Variants in RGS7 observed in about 807,000 individuals in gnomAD.
RGS7 encodes the protein regulator of G-protein signaling 7.
In RGS7, 27 loss-of-function variants were observed where a neutral mutation model predicts 81.1. The ratio of observed to expected loss-of-function variants is 0.33; its 90% CI spans 0.25 to 0.46. RGS7 has a LOEUF of 0.46. Among genes scored for constraint, RGS7 ranks in the 20% least tolerant of loss-of-function variants. The probability of loss-of-function intolerance (pLI) is 1.00; values close to 1 mark genes in which losing one functional copy is unlikely to be tolerated. For synonymous variants in RGS7, 208 were observed against 207.7 expected, an observed-to-expected ratio of 1.00 and a Z score of -0.01; for missense variants, 396 against 607.4, an observed-to-expected ratio of 0.65 and a Z score of 3.66.
chr1:241,184,399 G>A (rs940755299), intron 2 of RGS7, among the ~76,000 whole-genome samples: 3 of 152,100 alleles, frequency 2.0e-5, no homozygotes, highest in African/African-American at 7.2e-5. Flanking sequence ...CAAACAATGT[G>A]GAAACAGATG....
At chr1:241,227,822 G>T (rs886458123) in intron 2 of RGS7, among the ~76,000 whole-genome samples, 1 of 152,114 alleles carries the variant, frequency 6.6e-6, no homozygotes, top group Non-Finnish European at 1.5e-5. Context: ...TTTGGCTGGG[G>T]ACTCCTTATC....
rs116319668 is a variant in RGS7, at chr1:241,220,923, A to T, written c.79-122161T>A. On this transcript the variant is annotated intron_variant, in intron 2 of 18. Coordinates refer to ENST00000440928, the MANE Select transcript of RGS7 (RefSeq NM_001364886.1). ...GATGAAAGGAAGAAAGGAAAGGAAG[A>T]AAGGAAGAAAGGAAGGAAGGAAGAA... Among the ~76,000 whole-genome samples the T allele has an allele frequency of 3.9e-3, 581 of 147,860 alleles. 4 individuals carry two copies. Among genetic ancestry groups the T allele is most frequent in the African/African-American group, 0.014 (546 of 40,404 alleles).
intron 3 of RGS7, among the ~76,000 whole-genome samples, chr1:240,985,228 A>C (rs142491723): frequency 6.6e-6 from 1 of 152,356 alleles, no homozygotes; most frequent in African/African-American, 2.4e-5. Flanking sequence ...AATCTTCCGC[A>C]CAAGCCCCAA....
chr1:240,964,786 C>T lies in RGS7; in HGVS notation c.226+18293G>A, dbSNP rs376875003. Among the ~76,000 whole-genome samples, 9 of 152,216 alleles carry T rather than the reference C, an allele frequency of 5.9e-5. No homozygotes were observed. The East Asian group carries it at 9.7e-4, about 16-fold the overall frequency. On this transcript the variant is annotated intron_variant, in intron 4 of 18. Transcript: ENST00000440928. ...TGACCAACCAAAAGTGTATTTTATT[C>T]GAACTTAAGGCAAAACATTTTGACA...
Position 240,868,974 on chromosome 1 carries a change from G to A in RGS7, c.451-122C>T. The A allele has an allele frequency of 1.1e-6, 1 of 874,156 alleles. No homozygotes were observed. The highest frequency in any genetic ancestry group is 2.4e-5 in the East Asian group (1 of 40,822). The allele number at this position is 874,156 out of a possible 1,614,324, so 54.1% of individuals were successfully genotyped here. A position where few individuals can be genotyped will look rare whatever the true frequency, so the allele number is the denominator to read the frequency against. On this transcript the variant is annotated intron_variant, in intron 7 of 18. Transcript: ENST00000440928. The surrounding 1 kb of genome is among the most constrained non-coding windows in gnomAD (Gnocchi z 5.1). Reference sequence around the variant, plus strand: ...GAGTTTCTAAAGCCCTAAGTGTACTGTGGTTCTCAATGATAAGTCATGCTC... The same window carrying A: ...GAGTTTCTAAAGCCCTAAGTGTACTATGGTTCTCAATGATAAGTCATGCTC...
intron 4 of RGS7, among the ~76,000 whole-genome samples, chr1:240,948,528 C>T (rs577166506): frequency 5.3e-5 from 8 of 152,164 alleles, no homozygotes; most frequent in African/African-American, 1.9e-4. Context: ...ATTGCAACCA[C>T]CCCTCCCTGG....
chr1:240,985,693 A>G (rs892547937), intron 3 of RGS7, among the ~76,000 whole-genome samples: 2 of 152,070 alleles, frequency 1.3e-5, no homozygotes, highest in African/African-American at 4.8e-5. Flanking sequence ...GGATTTTTAA[A>G]TTGTTAAATT....
At chr1:241,028,285 A>G (rs1008369228) in intron 3 of RGS7, among the ~76,000 whole-genome samples, 5 of 152,254 alleles carry the variant, frequency 3.3e-5, no homozygotes, top group African/African-American at 1.2e-4. Context: ...CAAAAGTACA[A>G]GAAATCTGCT....
At chr1:241,075,172 G>A (rs1174833700) in intron 3 of RGS7, among the ~76,000 whole-genome samples, 1 of 152,060 alleles carries the variant, frequency 6.6e-6, no homozygotes, top group Non-Finnish European at 1.5e-5. Context: ...TTTAAAGGCT[G>A]CCAAAAAAAG....
intron 2 of RGS7, among the ~76,000 whole-genome samples, chr1:241,255,116 T>G (rs2077001741): frequency 6.6e-6 from 1 of 152,240 alleles, no homozygotes; most frequent in Non-Finnish European, 1.5e-5. Context: ...CACCATTCTC[T>G]GATCCTGATT....
intron 2 of RGS7, among the ~76,000 whole-genome samples, chr1:241,275,983 A>C (rs1207561985): frequency 6.6e-6 from 1 of 152,220 alleles, no homozygotes. Context: ...TACCTTATAC[A>C]GGCTTGCGTG....
At chr1:240,890,311 C>T (rs1668082589) in intron 6 of RGS7, among the ~76,000 whole-genome samples, 2 of 152,108 alleles carry the variant, frequency 1.3e-5, no homozygotes, top group African/African-American at 4.8e-5. Flanking sequence ...CGCCACCACA[C>T]CCAGCTAATT....
intron 2 of RGS7, among the ~76,000 whole-genome samples, chr1:241,158,487 T>C (rs900463774): frequency 1.6e-4 from 24 of 152,232 alleles, no homozygotes; most frequent in Non-Finnish European, 3.5e-4. Context: ...GCGCTATCTT[T>C]CTTCACATCT....
At chr1:240,987,919 G>T (rs1685913109) in intron 3 of RGS7, among the ~76,000 whole-genome samples, 1 of 152,106 alleles carries the variant, frequency 6.6e-6, no homozygotes, top group African/African-American at 2.4e-5. Context: ...CTTGAAGTAG[G>T]CACAATAAAT....
chr1:241,160,946 T>C (rs575998023), intron 2 of RGS7, among the ~76,000 whole-genome samples: 18 of 152,086 alleles, frequency 1.2e-4, no homozygotes, highest in Admixed American at 7.2e-4. Flanking sequence ...TGGTGGATAA[T>C]GCATTTTGAA....
At chr1:240,858,470 T>C (rs1183060119) in intron 9 of RGS7, among the ~76,000 whole-genome samples, 3 of 152,208 alleles carry the variant, frequency 2.0e-5, no homozygotes, top group African/African-American at 7.2e-5. Context: ...GTTGTTTTAA[T>C]TTAGCCCTAA....
intron 2 of RGS7, among the ~76,000 whole-genome samples, chr1:241,313,209 A>G (rs1309523937): frequency 1.3e-5 from 2 of 152,252 alleles, no homozygotes; most frequent in Non-Finnish European, 1.5e-5. Flanking sequence ...AGTTTTCCAA[A>G]AGATCTAGCC....
chr1:240,852,897 G>T (rs1425385213), intron 9 of RGS7, among the ~76,000 whole-genome samples: 1 of 152,178 alleles, frequency 6.6e-6, no homozygotes, highest in Non-Finnish European at 1.5e-5. Flanking sequence ...AGTGAAACTT[G>T]ATGAAGGAAA....
At chr1:241,022,312 G>A (rs566681780) in intron 3 of RGS7, among the ~76,000 whole-genome samples, 1 of 152,240 alleles carries the variant, frequency 6.6e-6, no homozygotes, top group South Asian at 2.1e-4. Context: ...CTAACTTTGG[G>A]AGCAACGCAG....
Sources: gnomAD v4.1 joint callset for allele counts (sites outside exome capture counted in the v4.1 genomes callset) on GRCh38, gnomAD v4.1.1 for gene constraint, Gnocchi (gnomAD v3.1) non-coding constraint, MANE v1.5 for transcripts, NCBI Gene and HGNC (gene_info 2026-07-23, HGNC 2026-07-21) for gene names.